BLTP1: variants seen among roughly 807,000 people sequenced by gnomAD.
BLTP1 encodes the protein fragile site-associated protein.
chr4:122,169,933 G>A, the BLTP1 span: 2 of 985,146 alleles, frequency 2.0e-6, no homozygotes, highest in Non-Finnish European at 2.4e-6. Context: ...ATAATATTAA[G>A]TGGTGGCTTT....
At chr4:122,325,897 C>G in the BLTP1 span, 2 of 1,162,194 alleles carry the variant, frequency 1.7e-6, no homozygotes. Context: ...ATCCAGCTGT[C>G]CTGGGGAAGG....
the BLTP1 span, chr4:122,187,626 A>C: frequency 3.7e-6 from 4 of 1,073,134 alleles, no homozygotes; most frequent in African/African-American, 6.5e-5. Flanking sequence ...AGTTTTTTTT[A>C]GTTCCCATTT....
the BLTP1 span, chr4:122,227,456 C>T: frequency 5.1e-6 from 5 of 985,350 alleles, no homozygotes; most frequent in Non-Finnish European, 6.0e-6. Context: ...GAGGCATTTT[C>T]TTCCCCTGAT....
At chr4:122,214,532 A>G in the BLTP1 span, 2 of 957,898 alleles carry the variant, frequency 2.1e-6, no homozygotes, top group South Asian at 4.8e-5. Context: ...TTAAAGTACC[A>G]TAAAAGTTTG....
At chr4:122,274,428 AAATATACAGTAAGTATGTCAGTTTTT>A in the BLTP1 span, 1 of 1,600,204 alleles carries the variant, frequency 6.2e-7, no homozygotes. Context: ...GGATTACACC[AAATATACAGTAAGTATGTCAGTTTTT>A]ATTTTCTTAC....
At chr4:122,291,391 T>G in the BLTP1 span, among the ~76,000 whole-genome samples, 1 of 152,242 alleles carries the variant, frequency 6.6e-6, no homozygotes. Context: ...GTAGCTCAAA[T>G]TTCTCAGTAC....
At chr4:122,183,950 C>T in the BLTP1 span, among the ~76,000 whole-genome samples, 1 of 151,752 alleles carries the variant, frequency 6.6e-6, no homozygotes, top group African/African-American at 2.4e-5. Context: ...CATAAACCAG[C>T]TATGTAAACA....
chr4:122,217,141 C>T, the BLTP1 span, among the ~76,000 whole-genome samples: 1 of 152,026 alleles, frequency 6.6e-6, no homozygotes, highest in African/African-American at 2.4e-5. Flanking sequence ...TGTCGATGAT[C>T]AGTTGGCTGC....
the BLTP1 span, among the ~76,000 whole-genome samples, chr4:122,319,871 A>G: frequency 6.6e-6 from 1 of 151,888 alleles, no homozygotes; most frequent in East Asian, 1.9e-4. Context: ...GTGTTAAGTT[A>G]TGCTTTTTGG....
chr4:122,268,161 A>T, the BLTP1 span, among the ~76,000 whole-genome samples: 6 of 152,138 alleles, frequency 3.9e-5, no homozygotes, highest in Admixed American at 3.9e-4. Flanking sequence ...AAATGTTCTT[A>T]CTATTTATTA....
At chr4:122,193,733 C>G in the BLTP1 span, 1 of 838,158 alleles carries the variant, frequency 1.2e-6, no homozygotes, top group Non-Finnish European at 1.4e-6. Flanking sequence ...TTCACTTGAG[C>G]AGATATTACG....
At chr4:122,351,613 T>C in the BLTP1 span, among the ~76,000 whole-genome samples, 2 of 152,196 alleles carry the variant, frequency 1.3e-5, no homozygotes, top group Non-Finnish European at 2.9e-5. Context: ...AACTGACTTA[T>C]TGAAGAGATG....
chr4:122,331,113 G>A, the BLTP1 span: 4 of 956,364 alleles, frequency 4.2e-6, no homozygotes, highest in Non-Finnish European at 5.0e-6. Context: ...GATTATGTCT[G>A]TGTCCTCATC....
chr4:122,248,814 G>A, the BLTP1 span, among the ~76,000 whole-genome samples: 8 of 152,038 alleles, frequency 5.3e-5, no homozygotes, highest in African/African-American at 1.9e-4. Flanking sequence ...GGTTTGCAAA[G>A]TGATCTCTAA....
chr4:122,311,025 CA>C, the BLTP1 span: 1 of 368,746 alleles, frequency 2.7e-6, no homozygotes, highest in East Asian at 1.6e-4. Context: ...TAATAAAAGA[CA>C]AAAATAAATT....
chr4:122,229,039 GTTTA>G, the BLTP1 span: 4 of 1,187,004 alleles, frequency 3.4e-6, no homozygotes, highest in Admixed American at 2.9e-5. Context: ...GATTTTTTGT[GTTTA>G]TTTAAAGAAG....
chr4:122,252,035 A>G, the BLTP1 span, among the ~76,000 whole-genome samples: 1 of 152,174 alleles, frequency 6.6e-6, no homozygotes, highest in Non-Finnish European at 1.5e-5. Context: ...CAACATTTCT[A>G]GACACACCCT....
At chr4:122,356,071 G>T in the BLTP1 span, 1 of 999,440 alleles carries the variant, frequency 1.0e-6, no homozygotes, top group Non-Finnish European at 1.4e-6. Context: ...TGGATTTTTT[G>T]TAATACTAAT....
At chr4:122,238,166 C>T in the BLTP1 span, 8 of 1,613,884 alleles carry the variant, frequency 5.0e-6, no homozygotes, top group Non-Finnish European at 5.9e-6. Context: ...AAAAACTCAG[C>T]ACCTTAGTCT....
Sources: gnomAD v4.1 joint callset for allele counts (sites outside exome capture counted in the v4.1 genomes callset) on GRCh38, gnomAD v4.1.1 for gene constraint, MANE v1.5 for transcripts, NCBI Gene and HGNC (gene_info 2026-07-23, HGNC 2026-07-21) for gene names.